Variants in PPIL6 observed in about 807,000 individuals in gnomAD.
The protein encoded by PPIL6 is probable inactive peptidyl-prolyl cis-trans isomerase-like 6.
A neutral mutation model predicts 36.8 loss-of-function variants in PPIL6; 39 were observed. The ratio of observed to expected loss-of-function variants is 1.06; its 90% confidence interval spans 0.82 to 1.38. The LOEUF is 1.38. PPIL6 is among the 40% of genes most tolerant of loss of function. The pLI is 0.00. For synonymous variants in PPIL6, 123 were observed against 134.1 expected (o/e 0.92, Z 0.57); for missense variants, 368 against 379.1 (o/e 0.97, Z 0.24).
At chr6:109,438,149 C>A (rs779621777) in intron 1 of PPIL6, among the ~76,000 whole-genome samples, 7 of 151,892 alleles carry the variant, frequency 4.6e-5, no homozygotes, top group Non-Finnish European at 7.4e-5. Flanking sequence ...ATTAGCATAT[C>A]CATCATCTCA....
rs958753960 is a variant in PPIL6, at chr6:109,390,226, C to CACT, written c.*2599_*2600insAGT. 3 of 152,226 alleles carry CACT rather than the reference C, an allele frequency of 2.0e-5. No homozygotes were observed. The highest frequency in any genetic ancestry group is 4.8e-5 in the African/African-American group (2 of 41,454). 9.4% of individuals were successfully genotyped at this position (152,226 alleles called of 1,614,324 possible). A position where few individuals can be genotyped will look rare whatever the true frequency, so the allele number is the denominator to read the frequency against. On this transcript the variant is annotated 3_prime_UTR_variant, in exon 8 of 8. Transcript: ENST00000521072. Reference sequence around the variant, plus strand: ...CTGAGGCTACACCCTGAAGGTTACACATTAGTAATTTATTATTAAATTTAT... The same window carrying CACT: ...CTGAGGCTACACCCTGAAGGTTACACACTATTAGTAATTTATTATTAAATTTAT...
intron 3 of PPIL6, among the ~76,000 whole-genome samples, 179 bp downstream of exon 3, chr6:109,430,978 C>A (rs1774111005): frequency 6.6e-6 from 1 of 152,186 alleles, no homozygotes; most frequent in South Asian, 2.1e-4. Flanking sequence ...GGCTGTGAGA[C>A]ACACTTGCTT....
At position 109,391,826 on chromosome 6, in the gene PPIL6, C is replaced by T. The variant is rs1431647915; in HGVS notation, c.*1000G>A. 2 of 152,124 alleles carry T rather than the reference C, an allele frequency of 1.3e-5. No individual in the cohort carries two copies. The highest frequency in any genetic ancestry group is 1.9e-4 in the East Asian group (1 of 5,190). 9.4% of individuals were successfully genotyped at this position (152,124 alleles called of 1,614,324 possible). On this transcript the variant is annotated 3_prime_UTR_variant, in exon 8 of 8. Coordinates refer to ENST00000521072, the MANE Select transcript of PPIL6 (RefSeq NM_173672.5). ...ATGATGTTCATGTCATATATGAAAA[C>T]ATCCAAAGTGTAGATACTCTTTCTG...
At chr6:109,399,408 CTATT>C (rs140993889) in intron 7 of PPIL6, among the ~76,000 whole-genome samples, 5,467 of 149,872 alleles carry the variant, frequency 0.036, 246 homozygotes, top group East Asian at 0.26. Flanking sequence ...TGCACCCGGC[CTATT>C]TATTTATTTT....
Position 109,392,929 on chromosome 6 carries a change from A to T in PPIL6, c.833T>A (p.Ile278Asn), listed in dbSNP as rs758158097. 1 of 1,600,468 alleles carries T rather than the reference A, an allele frequency of 6.2e-7. No homozygotes were observed. The highest frequency in any genetic ancestry group is 1.3e-5 in the African/African-American group (1 of 74,344). The change falls in exon 8 of 8, where the codon ATT becomes AAT. Residue 278 changes from isoleucine to asparagine, a missense_variant. Ile to Asn is a moderately radical substitution (Grantham distance 149). Transcript: ENST00000521072. ...TTGTTTAAGCACTTCTGTTCCTTCA[A>T]TCAGTTGCCTACATAGGAGAAAAAA... is the stretch of plus-strand genomic sequence containing the variant. ...DRKFVAFGQLIEGTEVLKQLE... is the reference protein window; with the variant it reads ...DRKFVAFGQLNEGTEVLKQLE...
At position 109,427,150 on chromosome 6, in the gene PPIL6, A is replaced by G; in HGVS notation, c.427T>C (p.Phe143Leu). 6.2e-7 allele frequency: 1 copy of G among 1,611,116 alleles called. No homozygotes were observed. The highest frequency in any genetic ancestry group is 8.5e-7 in the Non-Finnish European group (1 of 1,177,914). ...TCAATACAAATGTCCAAAAACACGA[A>G]ATCATGCTGTGAAGATTAAGGAGAA... ...AKFLRDTKHD[F>L]VFLDICIDSS... The change falls in exon 4 of 8, where the codon TTC becomes CTC. Residue 143 changes from phenylalanine (F) to leucine (L), a missense_variant. Phe to Leu is a conservative substitution (Grantham distance 22, BLOSUM62 0). Transcript: ENST00000521072.
intron 5 of PPIL6, among the ~76,000 whole-genome samples, chr6:109,423,724 A>C (rs893572333): frequency 6.6e-6 from 1 of 152,072 alleles, no homozygotes; most frequent in Non-Finnish European, 1.5e-5. Flanking sequence ...TGTTGGTATC[A>C]ATTTTTTTTA....
At chr6:109,415,926 G>T (rs1049609307) in intron 6 of PPIL6, among the ~76,000 whole-genome samples, 1 of 152,164 alleles carries the variant, frequency 6.6e-6, no homozygotes, top group African/African-American at 2.4e-5. Flanking sequence ...AATATCAAAA[G>T]AACTTTTTAA....
chr6:109,420,982 T>C (rs931212761), intron 5 of PPIL6, among the ~76,000 whole-genome samples: 1 of 152,158 alleles, frequency 6.6e-6, no homozygotes, highest in African/African-American at 2.4e-5. Flanking sequence ...TGAAAGGAAG[T>C]TGTCATGGCT....
rs115470109 is a variant in PPIL6 at position 109,402,944 on chromosome 6, G to C, written c.689-2774C>G. On this transcript the variant is annotated intron_variant, in intron 6 of 7. Coordinates refer to ENST00000521072, the MANE Select transcript of PPIL6 (RefSeq NM_173672.5). ...AATATTAACTCTAACTAGCTTTGCA[G>C]ACATAAAGTATTACAAGACAAGGGT... The C allele has an allele frequency of 7.1e-4, 588 of 830,936 alleles. 2 individuals carry two copies. In the African/African-American group the frequency reaches 9.3e-3, roughly 13 times the overall value. 51.5% of individuals were successfully genotyped at this position (830,936 alleles called of 1,614,324 possible).
At chr6:109,393,057 C>T in intron 7 of PPIL6, 120 bp from the exon 8 acceptor site, 1 of 633,430 alleles carries the variant, frequency 1.6e-6, no homozygotes. Flanking sequence ...ATTGAATGAA[C>T]ATCAGCTCTA....
intron 6 of PPIL6, among the ~76,000 whole-genome samples, chr6:109,412,795 A>G (rs1347298467): frequency 6.6e-6 from 1 of 152,216 alleles, no homozygotes; most frequent in East Asian, 1.9e-4. Context: ...ACAAGAAAAC[A>G]TCGAGGAAAC....
chr6:109,402,253 C>A (rs1772583171), intron 6 of PPIL6, among the ~76,000 whole-genome samples: 2 of 152,110 alleles, frequency 1.3e-5, no homozygotes, highest in African/African-American at 4.8e-5. Flanking sequence ...GTGCCTAGAG[C>A]AGCCAGGCAC....
intron 3 of PPIL6, among the ~76,000 whole-genome samples, chr6:109,429,906 C>G (rs993169157): frequency 6.6e-6 from 1 of 152,208 alleles, no homozygotes; most frequent in Non-Finnish European, 1.5e-5. Flanking sequence ...CACCAAGAAT[C>G]TTGACTGAAA....
At chr6:109,405,968 C>G (rs1772783930) in intron 6 of PPIL6, among the ~76,000 whole-genome samples, 1 of 152,078 alleles carries the variant, frequency 6.6e-6, no homozygotes, top group African/African-American at 2.4e-5. Context: ...GAAAGTTTTT[C>G]TTAAACCTCA....
At chr6:109,412,533 T>A (rs772288017) in intron 6 of PPIL6, among the ~76,000 whole-genome samples, 6 of 152,204 alleles carry the variant, frequency 3.9e-5, no homozygotes, top group Middle Eastern at 3.4e-3. Context: ...GATACTGGCA[T>A]AAAAACAGAC....
intron 6 of PPIL6, chr6:109,402,915 T>C: frequency 1.5e-6 from 1 of 663,494 alleles, no homozygotes; most frequent in East Asian, 3.0e-5. Flanking sequence ...AAAGAACCGT[T>C]TTAAATATTA....
chr6:109,392,845 CT>C lies in PPIL6; in HGVS notation c.916del (p.Ser306ValfsTer22). The part of the protein sequence containing the change: ...RPIHMCRITD[S>X]GDPYA ...TGAAAATCAAGCATAAGGATCTCCA[CT>C]GTCAGTAATTCTACACATATGTATT... On this transcript the variant is annotated frameshift_variant, in exon 8 of 8. Coordinates refer to ENST00000521072, the MANE Select transcript of PPIL6 (RefSeq NM_173672.5). LOFTEE classifies it high-confidence loss of function. The C allele has an allele frequency of 1.9e-6, 3 of 1,567,930 alleles. No homozygotes were observed. Among genetic ancestry groups the C allele is most frequent in the Non-Finnish European group, 1.7e-6 (2 of 1,144,578 alleles).
chr6:109,433,283 C>G (rs910174083), intron 2 of PPIL6, among the ~76,000 whole-genome samples: 1 of 152,080 alleles, frequency 6.6e-6, no homozygotes, highest in Non-Finnish European at 1.5e-5. Context: ...TCTCAAACTC[C>G]TGACCTCAGG....
Sources: gnomAD v4.1 joint callset for allele counts (sites outside exome capture counted in the v4.1 genomes callset) on GRCh38, gnomAD v4.1.1 for gene constraint, MANE v1.5 for transcripts, NCBI Gene and HGNC (gene_info 2026-07-23, HGNC 2026-07-21) for gene names.